The following SKAP1 variants were observed in gnomAD, a reference collection of about 807,000 sequenced individuals.
The protein encoded by SKAP1 is src kinase associated phosphoprotein 1, also known as src kinase-associated phosphoprotein 1.
SKAP1 carries 44 observed loss-of-function variants against 58.5 expected under a neutral mutation model. The ratio of observed to expected loss-of-function variants is 0.75; its 90% CI spans 0.59 to 0.97. SKAP1 has a LOEUF of 0.97. Among genes scored for constraint, SKAP1 ranks in the 50% least tolerant of loss-of-function variants. SKAP1 has a pLI of 0.00. For synonymous variants in SKAP1, 127 were observed against 149.7 expected (o/e 0.85, Z 1.11); for missense variants, 390 against 435.2 (o/e 0.90, Z 0.92).
At chr17:48,421,991 T>C (rs531739926) in intron 1 of SKAP1, among the ~76,000 whole-genome samples, 3 of 152,168 alleles carry the variant, frequency 2.0e-5, no homozygotes, top group African/African-American at 4.8e-5. Context: ...GGCGGGCAGA[T>C]CACGAGGCCA....
chr17:48,253,692 G>A (rs1484079305), intron 4 of SKAP1, among the ~76,000 whole-genome samples: 2 of 151,358 alleles, frequency 1.3e-5, no homozygotes, highest in Non-Finnish European at 2.9e-5. Context: ...GACTGTGGAA[G>A]GGACCAGAGC....
At chr17:48,217,121 G>T (rs2064949848) in intron 4 of SKAP1, among the ~76,000 whole-genome samples, 1 of 152,086 alleles carries the variant, frequency 6.6e-6, no homozygotes, top group South Asian at 2.1e-4. Context: ...TGAAAAAGGT[G>T]TGTGGTATTG....
At chr17:48,287,660 A>G (rs1226085270) in intron 4 of SKAP1, among the ~76,000 whole-genome samples, 5 of 152,204 alleles carry the variant, frequency 3.3e-5, no homozygotes, top group South Asian at 4.1e-4. Context: ...ATTAAGTACT[A>G]AAACAGGGTT....
intron 11 of SKAP1, among the ~76,000 whole-genome samples, chr17:48,142,151 A>G (rs2063775422): frequency 6.6e-6 from 1 of 152,104 alleles, no homozygotes; most frequent in African/African-American, 2.4e-5. Context: ...TCCAGCACAG[A>G]GTGGGGCCAA....
At chr17:48,192,599 T>A (rs997422010) in intron 4 of SKAP1, among the ~76,000 whole-genome samples, 7 of 152,092 alleles carry the variant, frequency 4.6e-5, no homozygotes, top group Non-Finnish European at 5.9e-5. Flanking sequence ...ATGTTAAGAC[T>A]CCAGGCCCCA....
chr17:48,254,105 T>C (rs1287157579), intron 4 of SKAP1, among the ~76,000 whole-genome samples: 1 of 152,186 alleles, frequency 6.6e-6, no homozygotes, highest in Non-Finnish European at 1.5e-5. Context: ...ATTATTGTAC[T>C]ACGTGTCCCT....
chr17:48,323,413 T>C (rs1363027833), intron 4 of SKAP1, among the ~76,000 whole-genome samples: 2 of 152,014 alleles, frequency 1.3e-5, no homozygotes, highest in Non-Finnish European at 2.9e-5. Flanking sequence ...ACTCAACAAT[T>C]AAAACCAAAT....
intron 4 of SKAP1, among the ~76,000 whole-genome samples, chr17:48,198,328 G>A (rs1273250498): frequency 1.3e-5 from 2 of 151,734 alleles, no homozygotes; most frequent in Non-Finnish European, 2.9e-5. Context: ...GTTGGCGGGC[G>A]CCTGTAGTCC....
chr17:48,396,903 T>A, intron 1 of SKAP1, 118 bp from the exon 2 acceptor site: 1 of 634,948 alleles, frequency 1.6e-6, no homozygotes, highest in Admixed American at 2.8e-5. Flanking sequence ...AATGTGCACA[T>A]GTACCCTAAA....
At chr17:48,205,037 T>TTTCTTTCTTTCTTTC in intron 4 of SKAP1, among the ~76,000 whole-genome samples, 1 of 55,804 alleles carries the variant, frequency 1.8e-5, no homozygotes, top group South Asian at 8.1e-4. Context: ...CTTTCTTTCT[T>TTTCTTTCTTTCTTTC]TCTCTCTCTC....
At chr17:48,319,727 T>C (rs1369864685) in intron 4 of SKAP1, among the ~76,000 whole-genome samples, 1 of 152,000 alleles carries the variant, frequency 6.6e-6, no homozygotes, top group Non-Finnish European at 1.5e-5. Flanking sequence ...CTGTAGTCCC[T>C]GCTACAGAAG....
At chr17:48,359,120 T>C (rs1223500434) in intron 3 of SKAP1, among the ~76,000 whole-genome samples, 2 of 152,168 alleles carry the variant, frequency 1.3e-5, no homozygotes, top group Non-Finnish European at 2.9e-5. Flanking sequence ...TCTCAACCTT[T>C]TTCTTTTACC....
At chr17:48,244,127 A>C (rs2143836739) in intron 4 of SKAP1, among the ~76,000 whole-genome samples, 1 of 152,354 alleles carries the variant, frequency 6.6e-6, no homozygotes. Flanking sequence ...TAATGACCAG[A>C]GCTAATGTGG....
At chr17:48,184,870 G>T (rs1250106724) in intron 6 of SKAP1, 23 bp from the exon 7 acceptor site, 6 of 1,610,994 alleles carry the variant, frequency 3.7e-6, no homozygotes, top group Non-Finnish European at 5.1e-6. Flanking sequence ...AAAGCTCCCT[G>T]TATCCCTAGA....
intron 4 of SKAP1, among the ~76,000 whole-genome samples, chr17:48,261,767 C>T (rs1321736602): frequency 1.3e-5 from 2 of 152,164 alleles, no homozygotes; most frequent in South Asian, 2.1e-4. Flanking sequence ...GTTTTCTACC[C>T]TTTCTATTCC....
intron 2 of SKAP1, among the ~76,000 whole-genome samples, chr17:48,388,779 C>T (rs1235870795): frequency 6.6e-6 from 1 of 152,094 alleles, no homozygotes. Flanking sequence ...AATTCTAAAT[C>T]CTAATATTTA....
intron 4 of SKAP1, among the ~76,000 whole-genome samples, chr17:48,225,689 T>G (rs2065060273): frequency 6.6e-6 from 1 of 152,190 alleles, no homozygotes; most frequent in Non-Finnish European, 1.5e-5. Context: ...GCCTGCCTGT[T>G]CTAACTATGA....
At chr17:48,403,470 TAAC>T (rs1031342553) in intron 1 of SKAP1, among the ~76,000 whole-genome samples, 13 of 151,874 alleles carry the variant, frequency 8.6e-5, no homozygotes, top group Non-Finnish European at 1.5e-5. Flanking sequence ...TGTGTATAAA[TAAC>T]AACACCTACA....
chr17:48,248,056 T>G (rs1175114489), intron 4 of SKAP1, among the ~76,000 whole-genome samples: 5 of 152,314 alleles, frequency 3.3e-5, no homozygotes. Context: ...AATCGATGAA[T>G]GAATGATCAA....
Sources: allele counts gnomAD v4.1 joint callset (sites outside exome capture counted in the v4.1 genomes callset), GRCh38; gene constraint gnomAD v4.1.1; transcripts MANE v1.5; gene names NCBI Gene and HGNC (gene_info 2026-07-23, HGNC 2026-07-21).